Variants in UVRAG observed in about 807,000 individuals in gnomAD.
UVRAG encodes UV radiation resistance associated, also known as UV radiation resistance-associated gene protein.
A neutral mutation model predicts 78.0 loss-of-function variants in UVRAG; 19 were observed. The observed-to-expected ratio is 0.24, with a 90% CI of 0.17 to 0.36. The LOEUF (loss-of-function observed/expected upper bound fraction) is 0.36, where lower values mean the gene tolerates loss of function less well. Ranked by LOEUF, UVRAG falls within the 10% of genes least tolerant of loss-of-function variation. The pLI is 1.00. For synonymous variants in UVRAG, 323 were observed against 324.6 expected, an observed-to-expected ratio of 1.00 and a Z score of 0.05; for missense variants, 740 against 853.8, an observed-to-expected ratio of 0.87 and a Z score of 1.66.
At chr11:76,000,688 A>C (rs1949797108) in intron 8 of UVRAG, among the ~76,000 whole-genome samples, 1 of 152,166 alleles carries the variant, frequency 6.6e-6, no homozygotes, top group African/African-American at 2.4e-5. Context: ...TGTACCATGC[A>C]AATAACAGTC....
chr11:76,084,485 A>C (rs1028232096), intron 13 of UVRAG, among the ~76,000 whole-genome samples: 3 of 152,232 alleles, frequency 2.0e-5, no homozygotes, highest in Non-Finnish European at 4.4e-5. Flanking sequence ...GAACATAGCC[A>C]TTAAAATATA....
chr11:75,820,500 A>G (rs188001199), intron 1 of UVRAG, among the ~76,000 whole-genome samples: 1 of 151,970 alleles, frequency 6.6e-6, no homozygotes, highest in African/African-American at 2.4e-5. Flanking sequence ...GATTACAGGC[A>G]TGCACCACTG....
intron 4 of UVRAG, among the ~76,000 whole-genome samples, chr11:75,880,924 ACTT>A (rs1946930260): frequency 2.4e-5 from 2 of 83,686 alleles, no homozygotes; most frequent in Non-Finnish European, 4.9e-5. Context: ...TCTTTTATTT[ACTT>A]CTTTTTTTTT....
intron 13 of UVRAG, among the ~76,000 whole-genome samples, chr11:76,077,142 T>C (rs1951418101): frequency 1.3e-5 from 2 of 148,528 alleles, no homozygotes; most frequent in South Asian, 4.2e-4. Context: ...ATATTGTATA[T>C]ATAAAATATA....
At chr11:75,927,424 G>A (rs1948134762) in intron 6 of UVRAG, among the ~76,000 whole-genome samples, 1 of 152,114 alleles carries the variant, frequency 6.6e-6, no homozygotes, top group South Asian at 2.1e-4. Context: ...CCTGAGAGTA[G>A]AATATAATGA....
At chr11:75,920,854 G>T (rs753326405) in intron 6 of UVRAG, among the ~76,000 whole-genome samples, 1 of 152,106 alleles carries the variant, frequency 6.6e-6, no homozygotes, top group Admixed American at 6.5e-5. Flanking sequence ...TGGGTTTCTT[G>T]TTCAATATTC....
chr11:76,125,210 A>G (rs1385257465), intron 14 of UVRAG, among the ~76,000 whole-genome samples: 1 of 152,234 alleles, frequency 6.6e-6, no homozygotes, highest in East Asian at 1.9e-4. Context: ...GCTGTATCAG[A>G]TAGGCTCGCC....
At chr11:75,904,533 A>G (rs1164320080) in intron 5 of UVRAG, among the ~76,000 whole-genome samples, 1 of 152,234 alleles carries the variant, frequency 6.6e-6, no homozygotes, top group East Asian at 1.9e-4. Flanking sequence ...TGGCTGAAAC[A>G]GGAGGGCTTA....
At chr11:75,884,030 T>A (rs1417292901) in intron 4 of UVRAG, among the ~76,000 whole-genome samples, 1 of 152,208 alleles carries the variant, frequency 6.6e-6, no homozygotes, top group Non-Finnish European at 1.5e-5. Flanking sequence ...CCAAAGTGAC[T>A]ATAACATCCT....
chr11:76,088,899 T>G (rs967471553), intron 13 of UVRAG, among the ~76,000 whole-genome samples: 20 of 152,218 alleles, frequency 1.3e-4, no homozygotes, highest in Non-Finnish European at 2.6e-4. Flanking sequence ...TTATTTTGCA[T>G]GTATGTCTCC....
intron 1 of UVRAG, among the ~76,000 whole-genome samples, chr11:75,840,348 C>G (rs1008980755): frequency 4.6e-5 from 7 of 151,850 alleles, no homozygotes; most frequent in Non-Finnish European, 8.8e-5. Flanking sequence ...GGGAAAGAGA[C>G]ACTTACAGAG....
intron 12 of UVRAG, among the ~76,000 whole-genome samples, chr11:76,051,360 C>A (rs541409599): frequency 4.6e-5 from 7 of 151,592 alleles, no homozygotes; most frequent in Admixed American, 2.0e-4. Context: ...TTTTGATTTG[C>A]TTGGCAGAAT....
At chr11:76,071,745 A>G (rs1427578204) in intron 13 of UVRAG, among the ~76,000 whole-genome samples, 1 of 152,098 alleles carries the variant, frequency 6.6e-6, no homozygotes, top group Non-Finnish European at 1.5e-5. Context: ...AAGTGAACAG[A>G]TTTGAAATAT....
chr11:75,930,531 A>C (rs1393367582), intron 6 of UVRAG, among the ~76,000 whole-genome samples: 1 of 152,244 alleles, frequency 6.6e-6, no homozygotes, highest in African/African-American at 2.4e-5. Flanking sequence ...TATATAGAGC[A>C]GACAGAAAAA....
intron 6 of UVRAG, among the ~76,000 whole-genome samples, chr11:75,919,263 G>T (rs576409811): frequency 6.6e-6 from 1 of 152,044 alleles, no homozygotes; most frequent in Non-Finnish European, 1.5e-5. Flanking sequence ...ACTCTAAGTG[G>T]TAATTGCAGT....
intron 13 of UVRAG, among the ~76,000 whole-genome samples, chr11:76,066,933 C>T (rs962253787): frequency 3.3e-5 from 5 of 152,060 alleles, no homozygotes; most frequent in Admixed American, 1.3e-4. Context: ...ATAAGATTTA[C>T]GATGCTTTTG....
chr11:75,896,556 C>G (rs1327272644), intron 5 of UVRAG, among the ~76,000 whole-genome samples: 1 of 152,174 alleles, frequency 6.6e-6, no homozygotes. Context: ...ATGGAAACTT[C>G]TACTCACTAG....
intron 12 of UVRAG, among the ~76,000 whole-genome samples, chr11:76,025,464 CA>C (rs1164479249): frequency 2.6e-5 from 4 of 152,090 alleles, no homozygotes; most frequent in African/African-American, 9.7e-5. Flanking sequence ...GGAGGAGAAA[CA>C]GGGGGTGGTA....
intron 13 of UVRAG, among the ~76,000 whole-genome samples, chr11:76,099,344 A>C (rs574285622): frequency 1.0e-3 from 158 of 152,208 alleles, no homozygotes; most frequent in Non-Finnish European, 1.9e-3. Context: ...CCATTTTTTC[A>C]TCTGTAATAC....
Sources: gnomAD v4.1 joint callset for allele counts (sites outside exome capture counted in the v4.1 genomes callset) on GRCh38, gnomAD v4.1.1 for gene constraint, MANE v1.5 for transcripts, NCBI Gene and HGNC (gene_info 2026-07-23, HGNC 2026-07-21) for gene names.